The following MYL11 variants were observed in gnomAD, a reference collection of about 807,000 sequenced individuals.
The protein encoded by MYL11 is myosin regulatory light chain 11.
chr16:30,371,294 CT>C, the MYL11 span, among the ~76,000 whole-genome samples: 1 of 152,194 alleles, frequency 6.6e-6, no homozygotes, highest in Non-Finnish European at 1.5e-5. Context: ...GCGCTGCCCC[CT>C]CTCGAGTCCT....
chr16:30,375,477 A>G, the MYL11 span, among the ~76,000 whole-genome samples: 5 of 151,648 alleles, frequency 3.3e-5, no homozygotes, highest in Admixed American at 6.6e-5. Context: ...AAAAAAAAAA[A>G]AAAAGAAAAG....
the MYL11 span, chr16:30,372,397 G>C: frequency 6.6e-6 from 1 of 152,416 alleles, no homozygotes; most frequent in South Asian, 2.1e-4. Context: ...GGACAGGGCA[G>C]GGGGAGGCAT....
At chr16:30,372,471 T>G in the MYL11 span, 1 of 152,160 alleles carries the variant, frequency 6.6e-6, no homozygotes, top group African/African-American at 2.4e-5. Context: ...CCTTGCCAAC[T>G]TGGGGCTTCC....
the MYL11 span, chr16:30,376,818 G>C: frequency 1.0e-6 from 1 of 992,630 alleles, no homozygotes; most frequent in Non-Finnish European, 1.5e-6. Context: ...TATAATCCCA[G>C]TGCTTTGGGA....
chr16:30,373,323 C>T, the MYL11 span, among the ~76,000 whole-genome samples: 10 of 152,236 alleles, frequency 6.6e-5, no homozygotes, highest in Middle Eastern at 3.4e-3. Flanking sequence ...ATGCCGGGCA[C>T]GGTGGCTCAC....
At chr16:30,375,813 C>A in the MYL11 span, 2 of 1,613,480 alleles carry the variant, frequency 1.2e-6, no homozygotes, top group Non-Finnish European at 1.7e-6. Flanking sequence ...CAACCCTCAC[C>A]CTCCAGGCAC....
At chr16:30,376,362 G>A in the MYL11 span, 1 of 1,562,760 alleles carries the variant, frequency 6.4e-7, no homozygotes, top group African/African-American at 1.4e-5. Flanking sequence ...TGAATTAGTG[G>A]GAAGCGCAGG....
chr16:30,371,977 C>T, the MYL11 span, among the ~76,000 whole-genome samples: 9 of 152,170 alleles, frequency 5.9e-5, no homozygotes, highest in African/African-American at 1.9e-4. Flanking sequence ...ACCTAGCTCC[C>T]GACTTCTCAG....
chr16:30,376,202 G>A, the MYL11 span: 1 of 1,613,896 alleles, frequency 6.2e-7, no homozygotes, highest in African/African-American at 1.3e-5. Context: ...GGACCTTCGG[G>A]ACACCTTCGC....
the MYL11 span, chr16:30,376,021 C>T: frequency 3.4e-6 from 5 of 1,479,094 alleles, no homozygotes; most frequent in Non-Finnish European, 4.7e-6. Context: ...GAATTCCTTC[C>T]TCCCCTCTCT....
chr16:30,375,677 A>G, the MYL11 span: 1 of 660,662 alleles, frequency 1.5e-6, no homozygotes, highest in Non-Finnish European at 2.6e-6. Context: ...CCCCTCAGCA[A>G]AGAGGTCCCA....
the MYL11 span, chr16:30,374,906 G>C: frequency 6.2e-7 from 1 of 1,605,114 alleles, no homozygotes; most frequent in Admixed American, 1.7e-5. Flanking sequence ...TTAGACCTCA[G>C]GGCAGCCTCA....
the MYL11 span, chr16:30,376,268 G>A: frequency 3.7e-6 from 6 of 1,601,228 alleles, no homozygotes; most frequent in Non-Finnish European, 5.1e-6. Context: ...GCAGAGTCTA[G>A]GAAATTCAGT....
At chr16:30,374,761 TG>T in the MYL11 span, 1 of 1,503,624 alleles carries the variant, frequency 6.7e-7, no homozygotes, top group South Asian at 1.2e-5. Context: ...AAGGGCTCCC[TG>T]GGGCAGGACT....
the MYL11 span, chr16:30,377,822 C>T: frequency 2.5e-6 from 4 of 1,614,132 alleles, no homozygotes; most frequent in Admixed American, 1.7e-5. Context: ...CGGCCTTCCC[C>T]CCCGACGTGG....
At chr16:30,377,976 T>C in the MYL11 span, 1 of 1,425,896 alleles carries the variant, frequency 7.0e-7, no homozygotes, top group Non-Finnish European at 9.7e-7. Context: ...AAAATTTAAC[T>C]GATCTTTGTT....
the MYL11 span, among the ~76,000 whole-genome samples, chr16:30,376,988 G>A: frequency 2.6e-5 from 4 of 152,132 alleles, no homozygotes; most frequent in African/African-American, 7.2e-5. Flanking sequence ...CAAGGCGGGC[G>A]GATCATGTGA....
chr16:30,374,951 CA>C, the MYL11 span: 143 of 1,494,492 alleles, frequency 9.6e-5, no homozygotes, highest in Non-Finnish European at 1.2e-4. Context: ...CCCAGTCCAA[CA>C]AAAAGTTAAA....
At chr16:30,376,612 C>T in the MYL11 span, 8 of 1,614,110 alleles carry the variant, frequency 5.0e-6, no homozygotes, top group East Asian at 1.6e-4. Context: ...GCCCTCTGAC[C>T]CCCACAGGTG....
Sources: allele counts gnomAD v4.1 joint callset (sites outside exome capture counted in the v4.1 genomes callset), GRCh38; gene constraint gnomAD v4.1.1; transcripts MANE v1.5; gene names NCBI Gene and HGNC (gene_info 2026-07-23, HGNC 2026-07-21).